BMPER: variants seen among roughly 807,000 people sequenced by gnomAD.
The protein encoded by BMPER is BMP-binding endothelial regulator protein.
A neutral mutation model predicts 87.3 loss-of-function variants in BMPER; 45 were observed. That is an observed-to-expected ratio of 0.52 (90% CI 0.41 to 0.66). The LOEUF (loss-of-function observed/expected upper bound fraction) is 0.66. Among genes scored for constraint, BMPER ranks in the 30% least tolerant of loss-of-function variants. BMPER has a pLI of 0.00. For synonymous variants in BMPER, 326 were observed against 316.2 expected, an observed-to-expected ratio of 1.03 and a Z score of -0.33; for missense variants, 784 against 867.5, an observed-to-expected ratio of 0.90 and a Z score of 1.21.
At chr7:33,944,410 A>G (rs1486027241) in intron 3 of BMPER, among the ~76,000 whole-genome samples, 5 of 152,038 alleles carry the variant, frequency 3.3e-5, no homozygotes, top group African/African-American at 1.2e-4. Context: ...CAAGTGATCC[A>G]CCTGCGTTGG....
chr7:33,924,038 G>T (rs1402280920), intron 2 of BMPER, among the ~76,000 whole-genome samples: 2 of 152,126 alleles, frequency 1.3e-5, no homozygotes, highest in East Asian at 1.9e-4. Flanking sequence ...TCTCCACGTG[G>T]ATGTTGAGCA....
intron 2 of BMPER, among the ~76,000 whole-genome samples, chr7:33,924,357 C>A (rs937834896): frequency 3.9e-5 from 6 of 152,244 alleles, no homozygotes; most frequent in Non-Finnish European, 2.9e-5. Context: ...TGAGCAAAAT[C>A]TTCCCGTGGC....
chr7:33,923,847 A>G (rs1179228916), intron 2 of BMPER, among the ~76,000 whole-genome samples: 1 of 152,126 alleles, frequency 6.6e-6, no homozygotes, highest in East Asian at 1.9e-4. Flanking sequence ...ATCTTTTCAA[A>G]CTTTAAATAT....
rs1236390436 is a variant in BMPER, at chr7:33,906,879, C to A, written c.195C>A (p.Asn65Lys). Residue 65 changes from asparagine to lysine, a missense_variant, in exon 2 of 15, where the codon AAC becomes AAA. Transcript: ENST00000649409. ...TCCAGATTCCATTTATCACAGACAA[C>A]CCTTGCATAATGTGTGTCTGCTTGG... ...EVLQIPFITD[N>K]PCIMCVCLNK... is the part of the protein sequence containing the mutation. 1.2e-5 allele frequency: 20 copies of A among 1,613,504 alleles called. No individual in the cohort carries two copies. The highest frequency in any genetic ancestry group is 1.7e-5 in the Non-Finnish European group (20 of 1,179,708).
intron 2 of BMPER, among the ~76,000 whole-genome samples, chr7:33,925,277 T>C (rs1784332629): frequency 6.6e-6 from 1 of 152,224 alleles, no homozygotes. Context: ...CCAAAATAAA[T>C]GATGAACTTT....
At chr7:34,048,352 ACAC>A (rs1338540402) in intron 7 of BMPER, among the ~76,000 whole-genome samples, 1 of 152,086 alleles carries the variant, frequency 6.6e-6, no homozygotes, top group Non-Finnish European at 1.5e-5. Flanking sequence ...CCTGCTACAC[ACAC>A]GTACACACAC....
chr7:33,996,574 C>T (rs1439470858), intron 6 of BMPER, among the ~76,000 whole-genome samples: 3 of 152,132 alleles, frequency 2.0e-5, no homozygotes, highest in African/African-American at 7.2e-5. Flanking sequence ...GTAGTGACTG[C>T]ACTTTATTTA....
chr7:34,114,203 A>G (rs777847212), intron 13 of BMPER, among the ~76,000 whole-genome samples: 5 of 152,196 alleles, frequency 3.3e-5, no homozygotes, highest in African/African-American at 1.2e-4. Context: ...GTTCACCTCC[A>G]TCCCTGTGGG....
intron 3 of BMPER, among the ~76,000 whole-genome samples, chr7:33,945,276 AG>A (rs1457390908): frequency 2.8e-5 from 3 of 108,126 alleles, no homozygotes; most frequent in Non-Finnish European, 5.3e-5. Context: ...TTTGAGACAG[AG>A]TCCCACTCTG....
rs59484048 is a variant in BMPER at position 34,156,127 on chromosome 7, C to G, written c.*2854C>G. ...AGGTTGAAGGCCTCACTCATCTTAA[C>G]TCGTTGACTGCTTCCTGACCATCAG... is the stretch of plus-strand genomic sequence containing the variant. On this transcript the variant is annotated 3_prime_UTR_variant, in exon 15 of 15. Coordinates refer to ENST00000649409, the MANE Select transcript of BMPER (RefSeq NM_001365308.1). Among the ~76,000 whole-genome samples, 13,761 of 152,222 alleles carry G rather than the reference C, an allele frequency of 0.09. 1,386 individuals are homozygous for G. Among genetic ancestry groups the G allele is most frequent in the African/African-American group, 0.25 (10,408 of 41,494 alleles).
At chr7:33,967,722 T>G (rs1395773734) in intron 4 of BMPER, among the ~76,000 whole-genome samples, 3 of 152,176 alleles carry the variant, frequency 2.0e-5, no homozygotes, top group African/African-American at 7.2e-5. Context: ...GTTTCAAAAT[T>G]TATACCACTT....
chr7:34,036,886 G>A (rs192017982), intron 6 of BMPER, among the ~76,000 whole-genome samples: 7 of 152,184 alleles, frequency 4.6e-5, no homozygotes, highest in South Asian at 4.2e-4. Context: ...AAGAAAAAAC[G>A]TAAAAGAAAA....
chr7:34,032,970 G>A (rs1459039934), intron 6 of BMPER, among the ~76,000 whole-genome samples: 1 of 152,132 alleles, frequency 6.6e-6, no homozygotes, highest in South Asian at 2.1e-4. Context: ...CAGGTCAAAG[G>A]CTCAGTAGAT....
intron 6 of BMPER, among the ~76,000 whole-genome samples, chr7:34,012,188 G>T (rs1248935552): frequency 6.6e-6 from 1 of 152,044 alleles, no homozygotes; most frequent in Non-Finnish European, 1.5e-5. Context: ...GAGGCTAAAA[G>T]TTCACAGAGA....
At chr7:34,100,742 A>G (rs1285376949) in intron 13 of BMPER, among the ~76,000 whole-genome samples, 2 of 152,182 alleles carry the variant, frequency 1.3e-5, no homozygotes, top group Non-Finnish European at 2.9e-5. Context: ...TTAGGTTCCA[A>G]TAACTGTTCT....
chr7:34,127,500 TC>T (rs1432546476), intron 13 of BMPER, among the ~76,000 whole-genome samples: 1 of 152,058 alleles, frequency 6.6e-6, no homozygotes, highest in Non-Finnish European at 1.5e-5. Context: ...TCCCCTCTTC[TC>T]CCTGATCCCA....
Position 34,014,861 on chromosome 7 carries a change from C to T in BMPER, c.577-31445C>T, listed in dbSNP as rs147094054. ...TCAAATGATCCATTTTCTTTTATCA[C>T]TAATTTTAACTTACTGGCATATTTT... On this transcript the variant is annotated intron_variant, in intron 6 of 14. Transcript: ENST00000649409. Among the ~76,000 whole-genome samples, 1,065 of 151,996 alleles carry T rather than the reference C, an allele frequency of 7.0e-3. 10 individuals carry two copies. Among genetic ancestry groups the T allele is most frequent in the African/African-American group, 0.025 (1,026 of 41,524 alleles).
intron 6 of BMPER, among the ~76,000 whole-genome samples, chr7:34,016,040 G>C (rs1228781201): frequency 1.3e-5 from 2 of 151,824 alleles, no homozygotes; most frequent in Non-Finnish European, 2.9e-5. Flanking sequence ...CTGAGAGAGA[G>C]AGAGAAGCAC....
At chr7:34,150,165 T>C (rs1791136249) in intron 14 of BMPER, among the ~76,000 whole-genome samples, 1 of 152,128 alleles carries the variant, frequency 6.6e-6, no homozygotes, top group South Asian at 2.1e-4. Flanking sequence ...TCAGTGGGGC[T>C]TGAGGTAGAA....
Sources: gnomAD v4.1 joint callset for allele counts (sites outside exome capture counted in the v4.1 genomes callset) on GRCh38, gnomAD v4.1.1 for gene constraint, MANE v1.5 for transcripts, NCBI Gene and HGNC (gene_info 2026-07-23, HGNC 2026-07-21) for gene names.